Variants in TACC1 observed in about 807,000 individuals in gnomAD.
TACC1 encodes transforming acidic coiled-coil containing protein 1.
Under a neutral mutation model 84.4 loss-of-function variants are expected in TACC1, and 48 were observed. That is an observed-to-expected ratio of 0.57 (90% CI 0.45 to 0.72). The LOEUF is 0.72. Among genes scored for constraint, TACC1 ranks in the 30% least tolerant of loss-of-function variants. The pLI is 0.00. For synonymous variants in TACC1, 372 were observed against 376.3 expected, an observed-to-expected ratio of 0.99 and a Z score of 0.13; for missense variants, 920 against 973.0, an observed-to-expected ratio of 0.95 and a Z score of 0.72.
chr8:38,788,043 T>G (rs568692874), intron 1 of TACC1: 16 of 395,490 alleles, frequency 4.0e-5, no homozygotes, highest in Admixed American at 1.1e-4. Context: ...CCCCCGCCCC[T>G]CCACACTGGA....
At chr8:38,829,995 C>T (rs895195726) in intron 5 of TACC1, among the ~76,000 whole-genome samples, 82 of 152,254 alleles carry the variant, frequency 5.4e-4, no homozygotes, top group African/African-American at 1.9e-3. Flanking sequence ...AAGAAAGCTG[C>T]CACGTTGGTA....
At chr8:38,839,831 A>G (rs1039152918) in intron 8 of TACC1, 1 of 161,624 alleles carries the variant, frequency 6.2e-6, no homozygotes, top group Non-Finnish European at 1.3e-5. Context: ...TTGACTCAGG[A>G]AAGTCTAAAG....
chr8:38,791,215 A>G (rs576032354), intron 2 of TACC1, among the ~76,000 whole-genome samples: 7 of 152,180 alleles, frequency 4.6e-5, no homozygotes, highest in African/African-American at 9.6e-5. Context: ...CAGAGACCCA[A>G]TTGTTTGGTC....
At chr8:38,788,039 C>T (rs548954760) in intron 1 of TACC1, 3 of 434,252 alleles carry the variant, frequency 6.9e-6, no homozygotes, top group African/African-American at 6.3e-5. Flanking sequence ...CCAGCCCCCG[C>T]CCCTCCACAC....
chr8:38,838,727 A>G (rs1019715177), intron 8 of TACC1, among the ~76,000 whole-genome samples, 181 bp downstream of exon 8: 2 of 152,226 alleles, frequency 1.3e-5, no homozygotes. Context: ...CTAACCAGTT[A>G]TTATATTCAA....
At chr8:38,835,210 C>T (rs1046554625) in intron 6 of TACC1, among the ~76,000 whole-genome samples, 29 of 150,556 alleles carry the variant, frequency 1.9e-4, no homozygotes, top group African/African-American at 6.9e-4. Context: ...GCCGAGATTG[C>T]GCCACTGCAC....
At chr8:38,793,153 A>G (rs1055226880) in intron 2 of TACC1, among the ~76,000 whole-genome samples, 1 of 152,222 alleles carries the variant, frequency 6.6e-6, no homozygotes, top group Non-Finnish European at 1.5e-5. Context: ...TGATGTGTTA[A>G]TTAAATGCCT....
Position 38,819,956 on chromosome 8 carries a change from C to A in TACC1, c.712C>A (p.Leu238Met), listed in dbSNP as rs1826307702. Residue 238 changes from leucine to methionine, a missense_variant, in exon 3 of 13, where the codon CTG becomes ATG. Transcript: ENST00000317827. ...GCTGAGAAAGCCCAAGCCTGTCCCC[C>A]TGAGGAAGAAAGCAATTGGAGGAGA... ...SKLRKPKPVP[L>M]RKKAIGGEFS... 6.2e-7 allele frequency: 1 copy of A among 1,614,066 alleles called. No individual in the cohort carries two copies. The highest frequency in any genetic ancestry group is 1.3e-5 in the African/African-American group (1 of 74,920).
rs370496666 is a variant in TACC1 at position 38,820,194 on chromosome 8, C to T, written c.950C>T (p.Pro317Leu). 7 of 1,613,952 alleles carry T rather than the reference C, an allele frequency of 4.3e-6. No homozygotes were observed. The African/African-American group carries it at 9.3e-5, about 22-fold the overall frequency. The stretch of plus-strand genomic sequence containing the variant: ...CTGGGGGAGGAGTCGAGGAGCTCAC[C>T]TCTCAAGCTTGAGTTTGATTTCACA... ...VELGEESRSS[P>L]LKLEFDFTED... is the part of the protein sequence containing the mutation. The change falls in exon 3 of 13, where the codon CCT becomes CTT. Residue 317 changes from proline to leucine, a missense_variant. By Grantham distance (98) the Pro-to-Leu change is moderately conservative (BLOSUM62 -3). Coordinates refer to ENST00000317827, the MANE Select transcript of TACC1 (RefSeq NM_006283.3).
At chr8:38,836,383 A>G in intron 7 of TACC1, 96 bp downstream of exon 7, 3 of 1,527,046 alleles carry the variant, frequency 2.0e-6, no homozygotes, top group Non-Finnish European at 2.7e-6. Flanking sequence ...TCAAGTTATC[A>G]CAGGCTGGAA....
intron 5 of TACC1, among the ~76,000 whole-genome samples, chr8:38,830,893 T>C (rs1829080582): frequency 6.6e-6 from 1 of 152,246 alleles, no homozygotes; most frequent in Admixed American, 6.5e-5. Context: ...TCTTTCAGCC[T>C]GAAGGCTGAC....
intron 6 of TACC1, among the ~76,000 whole-genome samples, chr8:38,833,564 A>T (rs1396716019): frequency 6.6e-6 from 1 of 152,222 alleles, no homozygotes; most frequent in African/African-American, 2.4e-5. Context: ...ACCTGGAGAC[A>T]TTAAACACCA....
At chr8:38,780,643 C>A (rs1281578060) in intron 3 of TACC1, among the ~76,000 whole-genome samples, 2 of 146,228 alleles carry the variant, frequency 1.4e-5, no homozygotes, top group Non-Finnish European at 3.0e-5. Flanking sequence ...TTTTTTTTTA[C>A]AAAATCTAAA....
At chr8:38,781,754 C>T (rs1017190583) in intron 3 of TACC1, among the ~76,000 whole-genome samples, 1 of 152,014 alleles carries the variant, frequency 6.6e-6, no homozygotes, top group Non-Finnish European at 1.5e-5. Context: ...CCACCCTCCC[C>T]ACAAACAGGT....
chr8:38,814,604 C>T (rs905724033), intron 2 of TACC1, among the ~76,000 whole-genome samples: 6 of 152,100 alleles, frequency 3.9e-5, no homozygotes, highest in Admixed American at 2.0e-4. Flanking sequence ...CACAGTGACC[C>T]GCACAATGAT....
At chr8:38,768,236 A>C (rs1359884563) in intron 3 of TACC1, among the ~76,000 whole-genome samples, 1 of 152,208 alleles carries the variant, frequency 6.6e-6, no homozygotes, top group East Asian at 1.9e-4. Context: ...TGTGTCTTCA[A>C]ATCCTGTGAT....
At chr8:38,749,424 T>C (rs1176304295) in intron 3 of TACC1, among the ~76,000 whole-genome samples, 1 of 152,186 alleles carries the variant, frequency 6.6e-6, no homozygotes, top group Non-Finnish European at 1.5e-5. Flanking sequence ...ATTATTCTAA[T>C]TCTACAGCCA....
intron 4 of TACC1, among the ~76,000 whole-genome samples, chr8:38,826,321 T>C (rs1167104387): frequency 6.6e-6 from 1 of 152,238 alleles, no homozygotes; most frequent in African/African-American, 2.4e-5. Flanking sequence ...TTTGGTTTTC[T>C]TTAAAAAACA....
intron 6 of TACC1, among the ~76,000 whole-genome samples, chr8:38,831,779 A>G (rs1829294859): frequency 1.3e-5 from 2 of 150,148 alleles, no homozygotes; most frequent in Admixed American, 1.3e-4. Context: ...TACAGGCATG[A>G]GCCCCTGCAC....
Sources: allele counts gnomAD v4.1 joint callset (sites outside exome capture counted in the v4.1 genomes callset), GRCh38; gene constraint gnomAD v4.1.1; transcripts MANE v1.5; gene names NCBI Gene and HGNC (gene_info 2026-07-23, HGNC 2026-07-21).